DPP8: variants seen among roughly 807,000 people sequenced by gnomAD.
DPP8 encodes the protein DPP VIII.
DPP8 carries 31 observed loss-of-function variants against 107.5 expected under a neutral mutation model. That is an observed-to-expected ratio of 0.29 (90% CI 0.22 to 0.39). The LOEUF is 0.39. DPP8 is among the 10% of genes least tolerant of loss of function. The probability of loss-of-function intolerance (pLI) is 1.00; values close to 1 mark genes in which losing one functional copy is unlikely to be tolerated. For missense variants in DPP8, 842 were observed against 1,076.1 expected, an observed-to-expected ratio of 0.78 and a Z score of 3.04; for synonymous variants, 381 against 356.6, an observed-to-expected ratio of 1.07 and a Z score of -0.77.
intron 15 of DPP8, among the ~76,000 whole-genome samples, chr15:65,460,695 T>C (rs2064842640): frequency 6.6e-6 from 1 of 152,216 alleles, no homozygotes. Context: ...TAATATTCCG[T>C]TGTATGTATA....
chr15:65,461,020 C>T lies in DPP8; in HGVS notation c.1971+2741G>A, dbSNP rs368995604. On this transcript the variant is annotated intron_variant, in intron 15 of 19. Coordinates refer to ENST00000300141, the MANE Select transcript of DPP8 (RefSeq NM_130434.5). ...ATATTTTCCTCTTTTTGATAACAGC[C>T]AATCCAATGGGTGTGAACTGGTATC... 2.6e-5 allele frequency among the ~76,000 whole-genome samples: 4 copies of T among 152,318 alleles called. No homozygotes were observed. In the East Asian group the frequency reaches 7.7e-4, roughly 29 times the overall value.
At chr15:65,465,742 G>A (rs897541192) in intron 14 of DPP8, among the ~76,000 whole-genome samples, 1 of 151,380 alleles carries the variant, frequency 6.6e-6, no homozygotes, top group African/African-American at 2.4e-5. Flanking sequence ...TTTTTTAATA[G>A]AGACAGGGTT....
rs1596018734 is a variant in DPP8 at position 65,487,773 on chromosome 15, T to A, written c.872A>T (p.Asp291Val). 6.3e-7 allele frequency: 1 copy of A among 1,588,304 alleles called. No homozygotes were observed. Residue 291 changes from aspartate (D) to valine (V), a missense_variant, in exon 7 of 20, where the codon GAT becomes GTT. By Grantham distance (152) the Asp-to-Val change is radical (BLOSUM62 -3). Around this residue, in one of 2 missense-constraint regions of DPP8, gnomAD observed 663 missense variants for 758.0 expected, o/e 0.87. Coordinates refer to ENST00000300141, the MANE Select transcript of DPP8 (RefSeq NM_130434.5). Reference protein sequence around the residue: ...KILRILYEENDESEVEIIHVT... With the variant: ...KILRILYEENVESEVEIIHVT... ...ATGAATAATTTCCACCTCAGATTCA[T>A]CATTTTCTTCATATAGAATTCTAAG...
chr15:65,510,271 A>G (rs1190391919), intron 2 of DPP8, among the ~76,000 whole-genome samples: 1 of 152,200 alleles, frequency 6.6e-6, no homozygotes, highest in Non-Finnish European at 1.5e-5. Flanking sequence ...AACCAAGATC[A>G]TGCCACTGTA....
intron 19 of DPP8, among the ~76,000 whole-genome samples, chr15:65,449,446 GTCAC>G (rs2063805042): frequency 6.6e-6 from 1 of 151,586 alleles, no homozygotes; most frequent in African/African-American, 2.4e-5. Flanking sequence ...AGTCCACTCT[GTCAC>G]CCAGGCTGGA....
At chr15:65,512,702 T>C (rs2141123650) in intron 1 of DPP8, 138 bp from the exon 2 acceptor site, 2 of 802,712 alleles carry the variant, frequency 2.5e-6, no homozygotes, top group Non-Finnish European at 3.9e-6. Context: ...GCAATGAAAC[T>C]TAGTAAGAAA....
At chr15:65,494,922 C>T (rs981870719) in intron 5 of DPP8, among the ~76,000 whole-genome samples, 1 of 152,116 alleles carries the variant, frequency 6.6e-6, no homozygotes, top group Admixed American at 6.6e-5. Flanking sequence ...ACCCATGCTT[C>T]TCAAATTTAA....
intron 3 of DPP8, among the ~76,000 whole-genome samples, chr15:65,502,304 G>GAAAAAAAAAAAAAAAAAAAAAAAA (rs11320643): frequency 6.8e-6 from 1 of 147,220 alleles, no homozygotes. Flanking sequence ...TTGCTAAATG[G>GAAAAAAAAAAAAAAAAAAAAAAAA]AAAAAAAAAA....
At chr15:65,448,914 ATATATATATT>A (rs1567126117) in intron 19 of DPP8, among the ~76,000 whole-genome samples, 1 of 92,972 alleles carries the variant, frequency 1.1e-5, no homozygotes, top group Admixed American at 1.5e-4. Context: ...ATATATATAT[ATATATATATT>A]TAGCCTGGGT....
At chr15:65,497,019 A>G (rs190426086) in intron 5 of DPP8, among the ~76,000 whole-genome samples, 113 of 152,130 alleles carry the variant, frequency 7.4e-4, no homozygotes, top group African/African-American at 2.6e-3. Context: ...CCTCCCTAGT[A>G]GCTGGGAATT....
chr15:65,458,411 C>G (rs1290933524), intron 15 of DPP8, among the ~76,000 whole-genome samples: 2 of 152,092 alleles, frequency 1.3e-5, no homozygotes, highest in African/African-American at 2.4e-5. Context: ...TAGGTGTGCA[C>G]CACAATGCCT....
chr15:65,463,841 A>G lies in DPP8; in HGVS notation c.1891T>C (p.Tyr631His), dbSNP rs2065115086. 6.2e-7 allele frequency: 1 copy of G among 1,606,416 alleles called. No homozygotes were observed. The highest frequency in any genetic ancestry group is 8.5e-7 in the Non-Finnish European group (1 of 1,176,598). Residue 631 changes from tyrosine to histidine, a missense_variant, in exon 15 of 20, where the codon TAT becomes CAT. Physicochemically the swap from Tyr to His is moderately conservative, Grantham distance 83 (BLOSUM62 2). Around this residue, in one of 2 missense-constraint regions of DPP8, gnomAD observed 179 missense variants for 318.0 expected, o/e 0.56. Transcript: ENST00000300141. ...TCATGAGGCTTGTAGAGCATCCCATACAATGTAAATCCAGTAGTACTTTCA... is the reference window on the plus strand; with the variant it reads ...TCATGAGGCTTGTAGAGCATCCCATGCAATGTAAATCCAGTAGTACTTTCA... ...SFESTTGFTL[Y>H]GMLYKPHDLQ...
chr15:65,452,186 G>A (rs991180280), intron 17 of DPP8, 84 bp from the exon 18 acceptor site: 5 of 1,463,630 alleles, frequency 3.4e-6, no homozygotes, highest in Admixed American at 2.3e-5. Context: ...CAAATTTACA[G>A]TCTAAAATTA....
intron 19 of DPP8, among the ~76,000 whole-genome samples, chr15:65,448,896 ATAT>A (rs1461991321): frequency 1.2e-5 from 1 of 80,598 alleles, no homozygotes; most frequent in Non-Finnish European, 2.5e-5. Context: ...ATATATATAT[ATAT>A]ATATATATAT....
At chr15:65,486,418 A>G (rs1386276517) in intron 7 of DPP8, among the ~76,000 whole-genome samples, 1 of 151,762 alleles carries the variant, frequency 6.6e-6, no homozygotes, top group Non-Finnish European at 1.5e-5. Context: ...AAAAACAAAA[A>G]TTAGCCGCAC....
In DPP8 at chr15:65,507,328, G is replaced by A. The variant is rs777774367; in HGVS notation, c.287C>T (p.Thr96Ile). 3.1e-6 allele frequency: 5 copies of A among 1,610,346 alleles called. No individual in the cohort carries two copies. In the South Asian group the frequency reaches 4.4e-5, roughly 14 times the overall value. Reference protein sequence around the residue: ...LAMSGENRENTLFYSEIPKTI... With the variant: ...LAMSGENRENILFYSEIPKTI... Reference sequence around the variant, plus strand: ...TTTGGGAATTTCAGAATAAAACAGTGTATTTTCTCTGTTCTCACCAGACAT... The same window carrying A: ...TTTGGGAATTTCAGAATAAAACAGTATATTTTCTCTGTTCTCACCAGACAT... The change falls in exon 3 of 20, where the codon ACA (threonine) becomes ATA (isoleucine). Residue 96 changes from threonine to isoleucine, a missense_variant. This residue lies in a region of DPP8 where 663 missense variants were observed against 758.0 expected (regional missense o/e 0.87). Transcript: ENST00000300141.
chr15:65,499,571 A>T (rs1354218116), intron 4 of DPP8, among the ~76,000 whole-genome samples: 3 of 151,094 alleles, frequency 2.0e-5, no homozygotes, highest in Non-Finnish European at 4.4e-5. Flanking sequence ...TAAAATTTGT[A>T]TGTTTTTTTT....
chr15:65,451,275 C>T (rs906904760), intron 18 of DPP8, among the ~76,000 whole-genome samples, 165 bp from the exon 19 acceptor site: 1 of 152,074 alleles, frequency 6.6e-6, no homozygotes, highest in African/African-American at 2.4e-5. Flanking sequence ...TAACCAGATG[C>T]CACATGCAAT....
intron 9 of DPP8, among the ~76,000 whole-genome samples, chr15:65,481,163 C>T (rs1309962115): frequency 6.6e-6 from 1 of 152,010 alleles, no homozygotes; most frequent in Non-Finnish European, 1.5e-5. Flanking sequence ...CTACATTAGA[C>T]ACAGAAACTA....
Sources: gnomAD v4.1 joint callset for allele counts (sites outside exome capture counted in the v4.1 genomes callset) on GRCh38, gnomAD v4.1.1 for gene constraint, gnomAD v4.1.1 regional missense constraint, MANE v1.5 for transcripts, NCBI Gene and HGNC (gene_info 2026-07-23, HGNC 2026-07-21) for gene names.